The following ITFG2 variants were observed in gnomAD, a reference collection of about 807,000 sequenced individuals.
ITFG2 encodes KICSTOR complex protein ITFG2.
A neutral mutation model predicts 54.4 loss-of-function variants in ITFG2; 36 were observed. The ratio of observed to expected loss-of-function variants is 0.66; its 90% CI spans 0.51 to 0.87. The LOEUF is 0.87. ITFG2 is among the 40% of genes least tolerant of loss of function. The pLI, the probability that ITFG2 is intolerant of heterozygous loss-of-function variation, is 0.00. For synonymous variants in ITFG2, 211 were observed against 225.4 expected (o/e 0.94, Z 0.57); for missense variants, 524 against 576.7 (o/e 0.91, Z 0.94).
downstream of ITFG2, chr12:2,827,453 A>T: frequency 5.1e-6 from 5 of 985,328 alleles, no homozygotes; most frequent in Non-Finnish European, 6.0e-6. This position sits in a 1 kb window ranked among gnomAD's most constrained non-coding sequence, Gnocchi z 4.0. Flanking sequence ...GAAGGGGGTG[A>T]CCCAGTTCTC....
chr12:2,837,249 A>G (rs1007591384), intron 1 of ITFG2, among the ~76,000 whole-genome samples: 1 of 152,144 alleles, frequency 6.6e-6, no homozygotes, highest in African/African-American at 2.4e-5. Flanking sequence ...AGGCCGAGGC[A>G]GGCGGATCAC....
upstream of ITFG2, chr12:2,834,825 G>T: frequency 3.7e-6 from 6 of 1,613,608 alleles, no homozygotes; most frequent in Non-Finnish European, 5.1e-6. Flanking sequence ...CCTCCTGCTT[G>T]GTGCTCATGG....
chr12:2,859,789 C>T (rs966779252), exon 4 of ITFG2: 7 of 701,884 alleles, frequency 1.0e-5, no homozygotes, highest in South Asian at 2.0e-5. Context: ...TATGAGAATA[C>T]GATGTATGTT....
rs1363225289 is a variant in ITFG2 at position 2,817,203 on chromosome 12, T to G, written c.97-20T>G. On this transcript the variant is annotated intron_variant, in intron 1 of 11. Transcript: ENST00000228799. ...TCAGCAGAGTCCCATCCTAACGCTT[T>G]CTTCTCTCTCCATTTGAAGTTAAAT... 1.3e-6 allele frequency: 2 copies of G among 1,568,816 alleles called. No individual in the cohort carries two copies. The highest frequency in any genetic ancestry group is 2.7e-5 in the African/African-American group (2 of 74,024).
At chr12:2,828,970 C>T (rs115741320), downstream of ITFG2, among the ~76,000 whole-genome samples, 741 of 151,766 alleles carry the variant, frequency 4.9e-3, 5 homozygotes, top group African/African-American at 0.017. Flanking sequence ...ACTTTGGAGG[C>T]AAGAGGATCA....
chr12:2,824,010 G>A (rs780531403), intron 11 of ITFG2, 67 bp downstream of exon 11: 40 of 1,612,790 alleles, frequency 2.5e-5, no homozygotes, highest in South Asian at 2.4e-4. Context: ...GGAGCTGGGC[G>A]TGGGTGAGTC....
Position 2,855,344 on chromosome 12 carries a change from C to T in ITFG2, n.301-2668C>T, listed in dbSNP as rs372280881. On this transcript the variant is annotated intron_variant and non_coding_transcript_variant, in intron 2 of 3. Transcript: ENST00000537710. ...AGCTTCAGAGCCAGCTGGTGGTAGG[C>T]TTGCCGGGTGAAGCCAGGGAACTCC... The T allele has an allele frequency of 3.8e-4, 499 of 1,328,978 alleles. No homozygotes were observed. The African/African-American group carries it at 6.1e-3, about 16-fold the overall frequency. The allele number at this position is 1,328,978 out of a possible 1,614,324, so 82.3% of individuals were successfully genotyped here. A position where few individuals can be genotyped will look rare whatever the true frequency, so the allele number is the denominator to read the frequency against.
At chr12:2,816,156 G>A (rs1215937835) in intron 1 of ITFG2, among the ~76,000 whole-genome samples, 1 of 150,566 alleles carries the variant, frequency 6.6e-6, no homozygotes, top group Non-Finnish European at 1.5e-5. Flanking sequence ...TCAGCCTCCC[G>A]AGTAGCTGGG....
At position 2,823,758 on chromosome 12, in the gene ITFG2, A is replaced by T; in HGVS notation, c.1067-12A>T. 6.5e-7 allele frequency: 1 copy of T among 1,530,936 alleles called. No homozygotes were observed. Among genetic ancestry groups the T allele is most frequent in the Non-Finnish European group, 8.8e-7 (1 of 1,137,160 alleles). The allele number at this position is 1,530,936 out of a possible 1,614,324, so 94.8% of individuals were successfully genotyped here. On this transcript the variant is annotated splice_polypyrimidine_tract_variant and intron_variant, in intron 10 of 11. Transcript: ENST00000228799. ...ACTTCCTGACCTTTATCTCCCTGCC[A>T]ACATCTTCCAGGCCTGTACGCCTGC... is the stretch of plus-strand genomic sequence containing the variant.
At chr12:2,854,072 C>T (rs2098079695) in intron 2 of ITFG2, among the ~76,000 whole-genome samples, 1 of 152,186 alleles carries the variant, frequency 6.6e-6, no homozygotes. Flanking sequence ...GTTGCCCCGG[C>T]TGGAGTGCAA....
rs114945051 is a variant in ITFG2, at chr12:2,858,473, G to T, written n.620+142G>T. On this transcript the variant is annotated intron_variant and non_coding_transcript_variant, in intron 3 of 3. Transcript: ENST00000537710. ...TACTCTTGGGGAACACAAGGTCCCAGCAGTGGCTAGGGTGTGACTGCTACT... is the reference window on the plus strand; with the variant it reads ...TACTCTTGGGGAACACAAGGTCCCATCAGTGGCTAGGGTGTGACTGCTACT... The T allele has an allele frequency of 1.5e-4, 91 of 609,312 alleles. No individual in the cohort carries two copies. The African/African-American group carries it at 1.7e-3, about 11-fold the overall frequency. The allele number at this position is 609,312 out of a possible 1,614,324, so 37.7% of individuals were successfully genotyped here.
intron 2 of ITFG2, among the ~76,000 whole-genome samples, chr12:2,849,932 G>A (rs780728383): frequency 1.5e-4 from 23 of 152,282 alleles, no homozygotes; most frequent in Admixed American, 3.3e-4. Context: ...GTATTGGGTC[G>A]AACAGTAGGA....
chr12:2,856,481 T>C (rs1172010226), intron 2 of ITFG2, among the ~76,000 whole-genome samples: 3 of 152,188 alleles, frequency 2.0e-5, no homozygotes, highest in African/African-American at 4.8e-5. Flanking sequence ...TTCTCCTGCC[T>C]CAGCCTCCTG....
rs2097941273 is a variant in ITFG2 at position 2,820,775 on chromosome 12, G to A, written c.598G>A (p.Val200Met). The change falls in exon 6 of 12, where the codon GTG becomes ATG. Residue 200 changes from valine (V) to methionine (M), a missense_variant. Coordinates refer to ENST00000228799, the MANE Select transcript of ITFG2 (RefSeq NM_018463.4). ...LGPLGLPELM[V>M]SQPGCAYAIL... ...GCCACTGGGTCTTCCTGAACTGATG[G>A]TGTCTCAGCCAGGTTGTGCGTATGC... The A allele has an allele frequency of 1.2e-6, 2 of 1,613,900 alleles. No homozygotes were observed. Among genetic ancestry groups the A allele is most frequent in the Admixed American group, 1.7e-5 (1 of 59,980 alleles).
chr12:2,829,474 A>G (rs1002880831), downstream of ITFG2, among the ~76,000 whole-genome samples: 3 of 152,208 alleles, frequency 2.0e-5, no homozygotes, highest in Non-Finnish European at 4.4e-5. Flanking sequence ...TATGGTCTAT[A>G]AAAGGATGTG....
chr12:2,854,752 C>A, intron 2 of ITFG2: 1 of 857,544 alleles, frequency 1.2e-6, no homozygotes, highest in Non-Finnish European at 1.7e-6. Context: ...CTCGTCCTTC[C>A]AGCTACACTC....
intron 2 of ITFG2, among the ~76,000 whole-genome samples, chr12:2,852,502 G>GATT (rs1389526964): frequency 6.6e-6 from 1 of 152,142 alleles, no homozygotes; most frequent in African/African-American, 2.4e-5. Flanking sequence ...ATGTAGCTGG[G>GATT]ATTATGGGCA....
intron 5 of ITFG2, 96 bp from the exon 6 acceptor site, chr12:2,820,628 G>GTC: frequency 4.0e-6 from 1 of 251,778 alleles, no homozygotes; most frequent in Non-Finnish European, 7.9e-6. Context: ...CCCTGCCCCT[G>GTC]CCCCCGCCCC....
chr12:2,857,187 C>T, intron 2 of ITFG2: 1 of 650,588 alleles, frequency 1.5e-6, no homozygotes, highest in Non-Finnish European at 2.8e-6. Context: ...GGGCCCCTGG[C>T]TACTTTTCAG....
Sources: allele counts gnomAD v4.1 joint callset (sites outside exome capture counted in the v4.1 genomes callset), GRCh38; gene constraint gnomAD v4.1.1; non-coding constraint Gnocchi (gnomAD v3.1); transcripts MANE v1.5; gene names NCBI Gene and HGNC (gene_info 2026-07-23, HGNC 2026-07-21).